The following ABLIM3 variants were observed in gnomAD, a reference collection of about 807,000 sequenced individuals.
ABLIM3 encodes the protein actin-binding LIM protein 3.
Under a neutral mutation model 109.5 loss-of-function variants are expected in ABLIM3, and 61 were observed. That is an observed-to-expected ratio of 0.56 (90% CI 0.45 to 0.69). The LOEUF (loss-of-function observed/expected upper bound fraction) is 0.69. Among genes scored for constraint, ABLIM3 ranks in the 30% least tolerant of loss-of-function variants. The pLI is 0.00. For synonymous variants in ABLIM3, 300 were observed against 324.8 expected (o/e 0.92, Z 0.82); for missense variants, 796 against 889.5 (o/e 0.89, Z 1.34).
rs143710964 is a variant in ABLIM3, at chr5:149,199,127, G to A, written c.335+725G>A. On this transcript the variant is annotated intron_variant, in intron 4 of 23. Coordinates refer to ENST00000309868, the MANE Select transcript of ABLIM3 (RefSeq NM_014945.5). Reference sequence around the variant, plus strand: ...TCACTTGTTAATTCAGCAAGTGTACGTTAAGACTCCACTGAATGCCAAGCA... The same window carrying A: ...TCACTTGTTAATTCAGCAAGTGTACATTAAGACTCCACTGAATGCCAAGCA... 2,397 of 456,612 alleles carry A rather than the reference G, an allele frequency of 5.2e-3. 12 individuals carry two copies. Among genetic ancestry groups the A allele is most frequent in the Middle Eastern group, 0.024 (73 of 3,076 alleles). The allele number at this position is 456,612 out of a possible 1,614,324, so 28.3% of individuals were successfully genotyped here.
rs73795947 is a variant in ABLIM3, at chr5:149,230,526, A to G, written c.758-123A>G. 11,284 of 1,002,878 alleles carry G rather than the reference A, an allele frequency of 0.011. 763 individuals are homozygous for G. In the African/African-American group the frequency reaches 0.15, roughly 13 times the overall value. 62.1% of individuals were successfully genotyped at this position (1,002,878 alleles called of 1,614,324 possible). A position where few individuals can be genotyped will look rare whatever the true frequency, so the allele number is the denominator to read the frequency against. The stretch of plus-strand genomic sequence containing the variant: ...CCAGGAGGGAGCTGGGAAAGCCAAG[A>G]GGGCCCTTCTGGCAGATGTGTAAGG... On this transcript the variant is annotated intron_variant, in intron 8 of 23. Transcript: ENST00000309868.
intron 2 of ABLIM3, among the ~76,000 whole-genome samples, chr5:149,170,228 TTCTCTCTCTCTC>T (rs10644957): frequency 2.4e-5 from 3 of 124,604 alleles, no homozygotes; most frequent in Non-Finnish European, 3.3e-5. Context: ...AGGGTTCTGT[TTCTCTCTCTCTC>T]TCTCTCTCTC....
chr5:149,231,667 C>T (rs1361492651), intron 9 of ABLIM3, among the ~76,000 whole-genome samples: 1 of 152,178 alleles, frequency 6.6e-6, no homozygotes, highest in Admixed American at 6.5e-5. Flanking sequence ...TTGCAAGACC[C>T]TCTCCCATTT....
At chr5:149,222,553 C>G (rs1303283400) in intron 8 of ABLIM3, among the ~76,000 whole-genome samples, 1 of 151,938 alleles carries the variant, frequency 6.6e-6, no homozygotes, top group African/African-American at 2.4e-5. Context: ...AGTGAAGAGA[C>G]TTGGTTCTGT....
Position 149,233,274 on chromosome 5 carries a change from A to T in ABLIM3, c.862A>T (p.Ile288Phe). 1 of 1,614,138 alleles carries T rather than the reference A, an allele frequency of 6.2e-7. No individual in the cohort carries two copies. The highest frequency in any genetic ancestry group is 8.5e-7 in the Non-Finnish European group (1 of 1,180,016). ...CTCCATCTCACCCCCTGGATCCAGC[A>T]TTGGGTCACCCAACCGAGTCATCTG... is the stretch of plus-strand genomic sequence containing the variant. ...ETSISPPGSS[I>F]GSPNRVICAK... The change falls in exon 10 of 24, where the codon ATT (isoleucine) becomes TTT (phenylalanine). Residue 288 changes from isoleucine to phenylalanine, a missense_variant. Physicochemically the swap from Ile to Phe is conservative, Grantham distance 21 (BLOSUM62 0). Coordinates refer to ENST00000309868, the MANE Select transcript of ABLIM3 (RefSeq NM_014945.5).
At chr5:149,229,843 T>C (rs1038703463) in intron 8 of ABLIM3, among the ~76,000 whole-genome samples, 1 of 152,250 alleles carries the variant, frequency 6.6e-6, no homozygotes, top group Non-Finnish European at 1.5e-5. Flanking sequence ...CCTTTCCAAA[T>C]TGGCCTTTCG....
chr5:149,152,187 A>G (rs1398672206), intron 2 of ABLIM3, among the ~76,000 whole-genome samples: 3 of 152,206 alleles, frequency 2.0e-5, no homozygotes, highest in Middle Eastern at 3.2e-3. Flanking sequence ...TGGATGGGGT[A>G]TATACTTAGT....
chr5:149,232,297 C>A (rs915365282), intron 9 of ABLIM3, among the ~76,000 whole-genome samples: 1 of 152,150 alleles, frequency 6.6e-6, no homozygotes, highest in African/African-American at 2.4e-5. Context: ...CAGAGCGAGA[C>A]TCTGTCTCAA....
intron 8 of ABLIM3, chr5:149,220,121 A>G (rs1267843913): frequency 6.6e-6 from 1 of 152,186 alleles, no homozygotes; most frequent in East Asian, 1.9e-4. Flanking sequence ...CATTTCAATC[A>G]TTCATTTAGC....
At chr5:149,234,291 GCA>G (rs1244396501) in intron 10 of ABLIM3, among the ~76,000 whole-genome samples, 1 of 152,202 alleles carries the variant, frequency 6.6e-6, no homozygotes. Flanking sequence ...GCTGAAACGA[GCA>G]GAAAACCTCA....
intron 2 of ABLIM3, among the ~76,000 whole-genome samples, chr5:149,143,930 C>T (rs1197922441): frequency 6.6e-6 from 1 of 152,086 alleles, no homozygotes; most frequent in East Asian, 1.9e-4. Context: ...AGAAAGATGG[C>T]TCATCTATTT....
At chr5:149,229,022 A>G (rs1761582909) in intron 8 of ABLIM3, among the ~76,000 whole-genome samples, 1 of 152,176 alleles carries the variant, frequency 6.6e-6, no homozygotes, top group South Asian at 2.1e-4. Context: ...CTCTGTGTCC[A>G]TCTCATCCAT....
intron 2 of ABLIM3, chr5:149,174,704 G>A (rs1489235853): frequency 2.0e-5 from 3 of 152,226 alleles, no homozygotes; most frequent in Admixed American, 6.5e-5. Flanking sequence ...GGCAGAAGGA[G>A]GCCTTGATGG....
intron 8 of ABLIM3, among the ~76,000 whole-genome samples, chr5:149,230,303 T>C (rs1761719087): frequency 6.6e-6 from 1 of 152,058 alleles, no homozygotes; most frequent in Non-Finnish European, 1.5e-5. Context: ...GAAAAATCCA[T>C]AAGCTACTGT....
intron 3 of ABLIM3, among the ~76,000 whole-genome samples, chr5:149,189,455 A>G (rs1201950947): frequency 1.3e-5 from 2 of 152,232 alleles, no homozygotes; most frequent in Non-Finnish European, 2.9e-5. Flanking sequence ...CAAATTATAA[A>G]TCTGAAAAAA....
intron 2 of ABLIM3, among the ~76,000 whole-genome samples, chr5:149,162,426 A>G (rs548101674): frequency 1.3e-5 from 2 of 152,348 alleles, no homozygotes; most frequent in Admixed American, 1.3e-4. Flanking sequence ...CATGTGTTTC[A>G]GTATCTCATT....
At chr5:149,186,354 C>T (rs1384128408) in intron 3 of ABLIM3, among the ~76,000 whole-genome samples, 1 of 151,930 alleles carries the variant, frequency 6.6e-6, no homozygotes, top group East Asian at 1.9e-4. Flanking sequence ...GTGGAGGTTG[C>T]AGTGAGTCAA....
intron 23 of ABLIM3, among the ~76,000 whole-genome samples, chr5:149,255,760 TGAG>T (rs777366661): frequency 4.6e-5 from 7 of 151,986 alleles, no homozygotes; most frequent in African/African-American, 1.2e-4. Flanking sequence ...ACAACAAAGA[TGAG>T]GAGGAGAAGA....
chr5:149,230,701 G>A lies in ABLIM3; in HGVS notation c.810G>A (p.Lys270=). 1 of 1,614,106 alleles carries A rather than the reference G, an allele frequency of 6.2e-7. No individual in the cohort carries two copies. The highest frequency in any genetic ancestry group is 8.5e-7 in the Non-Finnish European group (1 of 1,179,978). The part of the protein sequence containing the change: ...ICKQAARAEK[K]LKHRRTSETS... ...AACAGGCAGCCCGGGCAGAGAAGAA[G>A]TTAAAGGTAAGCAAGCTAGTAGATT... The change falls in exon 9 of 24, where the codon AAG becomes AAA. Residue 270 remains lysine (K), a synonymous_variant. Coordinates refer to ENST00000309868, the MANE Select transcript of ABLIM3 (RefSeq NM_014945.5).
Sources: gnomAD v4.1 joint callset for allele counts (sites outside exome capture counted in the v4.1 genomes callset) on GRCh38, gnomAD v4.1.1 for gene constraint, MANE v1.5 for transcripts, NCBI Gene and HGNC (gene_info 2026-07-23, HGNC 2026-07-21) for gene names.